SHROOM2: variants seen among roughly 807,000 people sequenced by gnomAD.
SHROOM2 encodes the protein shroom family member 2.
Under a neutral mutation model 75.9 loss-of-function variants are expected in SHROOM2, and 33 were observed. That is an observed-to-expected ratio of 0.43 (90% CI 0.33 to 0.58). The LOEUF (loss-of-function observed/expected upper bound fraction) is 0.58, where lower values mean the gene tolerates loss of function less well. Among genes scored for constraint, SHROOM2 ranks in the 20% least tolerant of loss-of-function variants. The probability of loss-of-function intolerance (pLI) is 0.04; values close to 1 mark genes in which losing one functional copy is unlikely to be tolerated. For missense variants in SHROOM2, 1,434 were observed against 1,461.2 expected, an observed-to-expected ratio of 0.98 and a Z score of 0.30; for synonymous variants, 655 against 663.6, an observed-to-expected ratio of 0.99 and a Z score of 0.20.
intron 1 of SHROOM2, among the ~76,000 whole-genome samples, chrX:9,829,183 C>T (rs1483741293): frequency 8.9e-6 from 1 of 111,813 alleles, no homozygotes; most frequent in Non-Finnish European, 1.9e-5. Context: ...GCCACCACCC[C>T]CGGCTAACTT....
At position 9,944,737 on chromosome X, in the gene SHROOM2, G is replaced by A. The variant is rs193024785; in HGVS notation, c.4408G>A (p.Ala1470Thr). ...EDVQANTVLGAEVEAIVKGVC... is the reference protein window; with the variant it reads ...EDVQANTVLGTEVEAIVKGVC... ...CGTGCAGGCCAACACCGTGCTGGGGGCCGAGGTGGAGGCCATCGTGAAAGG... is the reference window on the plus strand; with the variant it reads ...CGTGCAGGCCAACACCGTGCTGGGGACCGAGGTGGAGGCCATCGTGAAAGG... Residue 1470 changes from alanine to threonine, a missense_variant, in exon 9 of 10, where the codon GCC (alanine) becomes ACC (threonine). Around this residue, in one of 3 missense-constraint regions of SHROOM2, gnomAD observed 1,340 missense variants for 1,338.3 expected, o/e 1.00. Coordinates refer to ENST00000380913, the MANE Select transcript of SHROOM2 (RefSeq NM_001649.4). The A allele has an allele frequency of 1.6e-5, 19 of 1,210,924 alleles. No homozygotes were observed. In the East Asian group the frequency reaches 4.7e-4, roughly 30 times the overall value.
At chrX:9,843,974 G>A (rs1440136967) in intron 1 of SHROOM2, among the ~76,000 whole-genome samples, 1 of 112,610 alleles carries the variant, frequency 8.9e-6, no homozygotes, top group Non-Finnish European at 1.9e-5. Flanking sequence ...AGGAATTAAT[G>A]AAGATTTTTC....
intron 1 of SHROOM2, among the ~76,000 whole-genome samples, chrX:9,850,259 G>A (rs1467312167): frequency 1.8e-5 from 2 of 112,323 alleles, no homozygotes; most frequent in Non-Finnish European, 3.8e-5. Context: ...TTACATGCCT[G>A]CTTTTCTGCT....
intron 3 of SHROOM2, among the ~76,000 whole-genome samples, chrX:9,893,826 C>T (rs1225147455): frequency 9.1e-6 from 1 of 109,435 alleles, no homozygotes; most frequent in Non-Finnish European, 1.9e-5. Context: ...CAGTGGCAGG[C>T]ACCTATAATC....
chrX:9,894,289 A>G lies in SHROOM2; in HGVS notation c.450-69A>G. 2.9e-6 allele frequency: 3 copies of G among 1,046,294 alleles called. No individual in the cohort carries two copies. In the South Asian group the frequency reaches 6.5e-5, roughly 23 times the overall value. The allele number at this position is 1,046,294 out of a possible 1,213,427, so 86.2% of individuals were successfully genotyped here. On this transcript the variant is annotated intron_variant, in intron 3 of 9. Coordinates refer to ENST00000380913, the MANE Select transcript of SHROOM2 (RefSeq NM_001649.4). ...TTTCCACAGAGGGTCAGCTGCGTCCACCGCCTTGCCCTTTGCCATTGCTGT... is the reference window on the plus strand; with the variant it reads ...TTTCCACAGAGGGTCAGCTGCGTCCGCCGCCTTGCCCTTTGCCATTGCTGT...
intron 1 of SHROOM2, among the ~76,000 whole-genome samples, chrX:9,794,007 A>C (rs1187101251): frequency 8.9e-6 from 1 of 111,995 alleles, no homozygotes; most frequent in Non-Finnish European, 1.9e-5. Context: ...GGCCTCCCAA[A>C]ATGTTGAGAT....
At chrX:9,815,504 CAT>C (rs1477729579) in intron 1 of SHROOM2, among the ~76,000 whole-genome samples, 2 of 103,156 alleles carry the variant, frequency 1.9e-5, no homozygotes, top group Non-Finnish European at 3.9e-5. Flanking sequence ...CTATATATCT[CAT>C]ATGTATATAT....
intron 1 of SHROOM2, among the ~76,000 whole-genome samples, chrX:9,809,614 T>C (rs772218289): frequency 5.3e-5 from 6 of 112,309 alleles, no homozygotes; most frequent in Non-Finnish European, 9.4e-5. Flanking sequence ...AATGCATCAT[T>C]CCCCAACCCA....
At chrX:9,847,942 G>A in intron 1 of SHROOM2, among the ~76,000 whole-genome samples, 1 of 111,760 alleles carries the variant, frequency 8.9e-6, no homozygotes. Context: ...CACTTGCTAT[G>A]CCCAGGGAAG....
intron 5 of SHROOM2, among the ~76,000 whole-genome samples, chrX:9,930,853 G>A (rs1478644588): frequency 9.1e-6 from 1 of 110,067 alleles, no homozygotes; most frequent in African/African-American, 3.3e-5. Context: ...AGCAATTCTC[G>A]TGCCTCAGCC....
At chrX:9,827,217 CTTTTTCTTT>C (rs2083891966) in intron 1 of SHROOM2, among the ~76,000 whole-genome samples, 1 of 31,828 alleles carries the variant, frequency 3.1e-5, no homozygotes, top group South Asian at 8.2e-4. Flanking sequence ...TGACATTTTT[CTTTTTCTTT>C]TTTTTTTTTT....
At chrX:9,807,567 C>A (rs1230496107) in intron 1 of SHROOM2, among the ~76,000 whole-genome samples, 3 of 112,198 alleles carry the variant, frequency 2.7e-5, no homozygotes, top group Non-Finnish European at 1.9e-5. Context: ...ATAGCCTGTG[C>A]TGTGCCACGG....
chrX:9,852,072 G>A (rs1012598907), intron 1 of SHROOM2, among the ~76,000 whole-genome samples: 9 of 111,519 alleles, frequency 8.1e-5, no homozygotes, highest in African/African-American at 2.9e-4. Flanking sequence ...GGGCACGCTC[G>A]TTAAAAGCAG....
intron 2 of SHROOM2, among the ~76,000 whole-genome samples, chrX:9,881,186 C>T (rs1047744612): frequency 8.9e-6 from 1 of 111,808 alleles, no homozygotes; most frequent in African/African-American, 3.3e-5. Flanking sequence ...CAGTTCTCTG[C>T]ACCACGGAGG....
intron 1 of SHROOM2, among the ~76,000 whole-genome samples, chrX:9,807,348 T>C (rs2083759822): frequency 8.9e-6 from 1 of 112,272 alleles, no homozygotes; most frequent in South Asian, 3.7e-4. Context: ...CGTGCGAGTT[T>C]GGGGGCAAAT....
chrX:9,915,032 C>T (rs2084476854), intron 5 of SHROOM2, among the ~76,000 whole-genome samples: 1 of 112,363 alleles, frequency 8.9e-6, no homozygotes. Flanking sequence ...CATGTGTGCT[C>T]CTCAGCCTGC....
In SHROOM2 at chrX:9,898,197, C is replaced by T. The variant is rs1164721432; in HGVS notation, c.2798C>T (p.Ser933Phe). The change falls in exon 5 of 10, where the codon TCT (serine) becomes TTT (phenylalanine). Residue 933 changes from serine to phenylalanine, a missense_variant. Physicochemically the swap from Ser to Phe is radical, Grantham distance 155 (BLOSUM62 -2). This residue lies in a region of SHROOM2 where 1,340 missense variants were observed against 1,338.3 expected (regional missense o/e 1.00). Transcript: ENST00000380913. ...PSTDHYKQEA[S>F]VELRRQAGDP... Reference sequence around the variant, plus strand: ...TTATGTTGCCCTTTGCAGGAAGCTTCTGTCGAACTGCGAAGGCAGGCAGGG... The same window carrying T: ...TTATGTTGCCCTTTGCAGGAAGCTTTTGTCGAACTGCGAAGGCAGGCAGGG... 1 of 1,181,482 alleles carries T rather than the reference C, an allele frequency of 8.5e-7. No individual in the cohort carries two copies. Among genetic ancestry groups the T allele is most frequent in the African/African-American group, 1.7e-5 (1 of 57,210 alleles).
At chrX:9,798,396 AGT>A (rs2083706138) in intron 1 of SHROOM2, among the ~76,000 whole-genome samples, 1 of 112,313 alleles carries the variant, frequency 8.9e-6, no homozygotes, top group African/African-American at 3.2e-5. Context: ...TGCTTTGTAC[AGT>A]GTCTTTTTTC....
At chrX:9,935,858 C>A (rs900598290) in intron 6 of SHROOM2, among the ~76,000 whole-genome samples, 1 of 111,400 alleles carries the variant, frequency 9.0e-6, no homozygotes, top group Non-Finnish European at 1.9e-5. Context: ...TGGAGTTTGG[C>A]CTGTTTCTTT....
Sources: allele counts gnomAD v4.1 joint callset (sites outside exome capture counted in the v4.1 genomes callset), GRCh38; gene constraint gnomAD v4.1.1; regional missense constraint gnomAD v4.1.1; transcripts MANE v1.5; gene names NCBI Gene and HGNC (gene_info 2026-07-23, HGNC 2026-07-21).